The following AAMDC variants were observed in gnomAD, a reference collection of about 807,000 sequenced individuals.
The protein encoded by AAMDC is adipogenesis associated Mth938 domain containing.
A neutral mutation model predicts 15.5 loss-of-function variants in AAMDC; 16 were observed. The ratio of observed to expected loss-of-function variants is 1.03; its 90% CI spans 0.70 to 1.57. The LOEUF is 1.57. AAMDC is among the 40% of genes most tolerant of loss of function. AAMDC has a pLI of 0.00. For synonymous variants in AAMDC, 51 were observed against 51.6 expected, an observed-to-expected ratio of 0.99 and a Z score of 0.05; for missense variants, 141 against 144.9, an observed-to-expected ratio of 0.97 and a Z score of 0.14.
intron 5 of AAMDC, among the ~76,000 whole-genome samples, chr11:77,889,156 CA>C (rs1354883026): frequency 6.6e-6 from 1 of 152,162 alleles, no homozygotes; most frequent in Non-Finnish European, 1.5e-5. Context: ...CTCACAATAG[CA>C]AAGACTTGGA....
intron 2 of AAMDC, among the ~76,000 whole-genome samples, chr11:77,843,263 C>A (rs1950008578): frequency 6.6e-6 from 1 of 152,140 alleles, no homozygotes; most frequent in Admixed American, 6.5e-5. Flanking sequence ...ATTTGCATTT[C>A]CCTGCATTTC....
At chr11:77,833,433 G>C (rs1347630307) in intron 1 of AAMDC, among the ~76,000 whole-genome samples, 1 of 152,118 alleles carries the variant, frequency 6.6e-6, no homozygotes, top group Non-Finnish European at 1.5e-5. Context: ...GTTCACAATA[G>C]GGTTCACGCA....
intron 5 of AAMDC, among the ~76,000 whole-genome samples, chr11:77,888,898 T>C (rs1457187083): frequency 6.6e-6 from 1 of 152,164 alleles, no homozygotes; most frequent in Non-Finnish European, 1.5e-5. Flanking sequence ...CCAGTTAGAA[T>C]GGCTATCATT....
intron 2 of AAMDC, among the ~76,000 whole-genome samples, chr11:77,867,888 A>C (rs934465556): frequency 1.3e-5 from 2 of 152,198 alleles, no homozygotes; most frequent in African/African-American, 4.8e-5. Context: ...AGCTGGGAAG[A>C]TTAGGAAGTT....
intron 1 of AAMDC, among the ~76,000 whole-genome samples, chr11:77,839,970 C>T (rs573686559): frequency 5.9e-5 from 9 of 152,022 alleles, no homozygotes; most frequent in East Asian, 3.9e-4. Flanking sequence ...TATCCTGGAA[C>T]GTAAAAAAGA....
intron 2 of AAMDC, among the ~76,000 whole-genome samples, chr11:77,860,264 T>A (rs1233221801): frequency 2.0e-5 from 3 of 152,246 alleles, no homozygotes; most frequent in Non-Finnish European, 4.4e-5. Flanking sequence ...TTTCTGAGTT[T>A]CCTTAATTAG....
At chr11:77,880,947 A>AC (rs200227888) in intron 5 of AAMDC, among the ~76,000 whole-genome samples, 3 of 151,954 alleles carry the variant, frequency 2.0e-5, no homozygotes, top group African/African-American at 7.3e-5. Context: ...AAACAAACAA[A>AC]AAAACAAAAA....
intron 5 of AAMDC, among the ~76,000 whole-genome samples, chr11:77,888,602 C>T (rs9667103): frequency 0.021 from 3,136 of 152,190 alleles, 96 homozygotes; most frequent in African/African-American, 0.071. Context: ...AGAGCTTCTG[C>T]ACAGCAAAAG....
At position 77,871,322 on chromosome 11, in the gene AAMDC, C is replaced by G. The variant is rs181222866; in HGVS notation, c.229-853C>G. Among the ~76,000 whole-genome samples the G allele has an allele frequency of 5.3e-5, 8 of 152,176 alleles. No homozygotes were observed. The East Asian group carries it at 1.5e-3, about 29-fold the overall frequency. ...AGAAAATATCTAATAATAGCTGTCA[C>G]TATTAAGAACATCTTTTATATAAAT... is the stretch of plus-strand genomic sequence containing the variant. On this transcript the variant is annotated intron_variant, in intron 3 of 3. Transcript: ENST00000393427.
At chr11:77,903,154 T>C (rs1212114623), downstream of AAMDC, among the ~76,000 whole-genome samples, 1 of 152,228 alleles carries the variant, frequency 6.6e-6, no homozygotes, top group Non-Finnish European at 1.5e-5. Context: ...GAGGAAGACC[T>C]GGGACTAGGA....
chr11:77,876,968 C>T (rs1382208724), downstream of AAMDC: 6 of 703,378 alleles, frequency 8.5e-6, no homozygotes, highest in Non-Finnish European at 5.2e-6. Flanking sequence ...CCAGCAGCTG[C>T]CATCAGGTGT....
intron 5 of AAMDC, among the ~76,000 whole-genome samples, chr11:77,900,407 A>G (rs1210197490): frequency 1.3e-5 from 2 of 152,090 alleles, no homozygotes; most frequent in Non-Finnish European, 2.9e-5. Flanking sequence ...CCACATATGA[A>G]TATCTTTAAG....
At chr11:77,894,505 G>A (rs921041825) in intron 5 of AAMDC, among the ~76,000 whole-genome samples, 3 of 152,156 alleles carry the variant, frequency 2.0e-5, no homozygotes, top group African/African-American at 4.8e-5. Context: ...ATGGACCTGG[G>A]GGAAACACCT....
chr11:77,891,630 T>C (rs751903337), intron 5 of AAMDC: 7 of 1,590,558 alleles, frequency 4.4e-6, no homozygotes, highest in Non-Finnish European at 6.0e-6. Context: ...AAGGTAAAGA[T>C]TTTTGACCGT....
chr11:77,846,911 A>G (rs1490364173), intron 2 of AAMDC, among the ~76,000 whole-genome samples: 1 of 152,108 alleles, frequency 6.6e-6, no homozygotes, highest in Non-Finnish European at 1.5e-5. Context: ...ATAAAGGAAG[A>G]TTCATATTTG....
intron 3 of AAMDC, among the ~76,000 whole-genome samples, chr11:77,870,329 A>ATTTT (rs965312288): frequency 1.3e-4 from 11 of 87,980 alleles, no homozygotes; most frequent in Non-Finnish European, 1.8e-4. Context: ...CTATTTTTTA[A>ATTTT]TTTTTTTTTT....
At chr11:77,846,347 G>T (rs1369885808) in intron 2 of AAMDC, among the ~76,000 whole-genome samples, 1 of 152,166 alleles carries the variant, frequency 6.6e-6, no homozygotes, top group Non-Finnish European at 1.5e-5. Flanking sequence ...AGCTGGGCAT[G>T]GTGGCTCACG....
At chr11:77,883,379 CA>C (rs1195900751) in intron 5 of AAMDC, among the ~76,000 whole-genome samples, 3 of 152,012 alleles carry the variant, frequency 2.0e-5, no homozygotes. Flanking sequence ...ACAATTCAGA[CA>C]TAAGTTGGCA....
intron 2 of AAMDC, among the ~76,000 whole-genome samples, chr11:77,861,112 C>T (rs1214258066): frequency 3.3e-5 from 5 of 151,752 alleles, no homozygotes; most frequent in Non-Finnish European, 2.9e-5. Context: ...ATTTTTTGCT[C>T]GTCCATATTG....
Sources: gnomAD v4.1 joint callset for allele counts (sites outside exome capture counted in the v4.1 genomes callset) on GRCh38, gnomAD v4.1.1 for gene constraint, MANE v1.5 for transcripts, NCBI Gene and HGNC (gene_info 2026-07-23, HGNC 2026-07-21) for gene names.